Variants in CLIC6 observed in about 807,000 individuals in gnomAD.
CLIC6 encodes the protein CLIC family member 6.
A neutral mutation model predicts 49.2 loss-of-function variants in CLIC6; 39 were observed. The ratio of observed to expected loss-of-function variants is 0.79; its 90% CI spans 0.61 to 1.04. The LOEUF (loss-of-function observed/expected upper bound fraction) is 1.04. Among genes scored for constraint, CLIC6 ranks in the 50% least tolerant of loss-of-function variants. CLIC6 has a pLI of 0.00. For synonymous variants in CLIC6, 446 were observed against 433.4 expected, an observed-to-expected ratio of 1.03 and a Z score of -0.36; for missense variants, 988 against 993.1, an observed-to-expected ratio of 0.99 and a Z score of 0.07.
chr21:34,697,966 G>A (rs1990116540), intron 1 of CLIC6, among the ~76,000 whole-genome samples: 2 of 152,192 alleles, frequency 1.3e-5, no homozygotes, highest in Admixed American at 6.5e-5. Context: ...ATAGGCCTGT[G>A]AGGACAGGGT....
intron 1 of CLIC6, among the ~76,000 whole-genome samples, chr21:34,700,655 C>A (rs1472557700): frequency 1.4e-5 from 2 of 139,750 alleles, no homozygotes; most frequent in Non-Finnish European, 3.1e-5. Flanking sequence ...TGGCTGTGTT[C>A]TCCTCCCATT....
intron 1 of CLIC6, among the ~76,000 whole-genome samples, chr21:34,678,746 T>C (rs1712980234): frequency 6.6e-6 from 1 of 152,206 alleles, no homozygotes; most frequent in African/African-American, 2.4e-5. Context: ...ATTTATGTAG[T>C]CCATGGGATT....
Position 34,670,484 on chromosome 21 carries a change from G to A in CLIC6, c.1096G>A (p.Glu366Lys). 6.7e-7 allele frequency: 1 copy of A among 1,492,642 alleles called. No homozygotes were observed. Among genetic ancestry groups the A allele is most frequent in the Non-Finnish European group, 8.9e-7 (1 of 1,121,028 alleles). 92.5% of individuals were successfully genotyped at this position (1,492,642 alleles called of 1,614,324 possible). The change falls in exon 1 of 6, where the codon GAG becomes AAG. Residue 366 changes from glutamate to lysine, a missense_variant. This residue lies in a region of CLIC6 where 647 missense variants were observed against 596.9 expected (regional missense o/e 1.08). Coordinates refer to ENST00000349499, the MANE Select transcript of CLIC6 (RefSeq NM_053277.3). ...EDRVGDGPQQ[E>K]PGEDEERRER... ...CAGGGTAGGGGATGGGCCACAGCAG[G>A]AGCCGGGGGAGGACGAAGAGAGACG...
At chr21:34,704,590 TAA>T (rs1407213187) in intron 1 of CLIC6, among the ~76,000 whole-genome samples, 2 of 152,168 alleles carry the variant, frequency 1.3e-5, no homozygotes, top group Non-Finnish European at 2.9e-5. Flanking sequence ...TTCCGTGTCT[TAA>T]GCTGTGGCCG....
rs907806678 is a variant in CLIC6 at position 34,669,137 on chromosome 21, T to G, written c.-252T>G. On this transcript the variant is annotated 5_prime_UTR_variant, in exon 1 of 6. Coordinates refer to ENST00000349499, the MANE Select transcript of CLIC6 (RefSeq NM_053277.3). The stretch of plus-strand genomic sequence containing the variant: ...AGCAGACGCGCAATCGGGGAGAAGC[T>G]CCAGCAGTGGAGGAAGAGTCCAGGG... Among the ~76,000 whole-genome samples, 1 of 151,970 alleles carries G rather than the reference T, an allele frequency of 6.6e-6. No homozygotes were observed.
chr21:34,716,862 T>TCTCTCTCTCTCTCTCTCTCTCACACA lies in CLIC6; in HGVS notation c.*381_*382insTCTCTCTCTCTCTCTCTCTCACACAC. On this transcript the variant is annotated 3_prime_UTR_variant, in exon 6 of 6. Coordinates refer to ENST00000349499, the MANE Select transcript of CLIC6 (RefSeq NM_053277.3). ...CTCTCTCTCTCTCTCTCTCTCTCTA[T>TCTCTCTCTCTCTCTCTCTCTCACACA]CACACACACACACACACACACACAC... The TCTCTCTCTCTCTCTCTCTCTCACACA allele has an allele frequency of 3.0e-5, 4 of 131,634 alleles. No individual in the cohort carries two copies. The highest frequency in any genetic ancestry group is 1.3e-4 in the African/African-American group (4 of 31,214). The allele number at this position is 131,634 out of a possible 1,614,324, so 8.2% of individuals were successfully genotyped here.
chr21:34,707,333 T>C lies in CLIC6; in HGVS notation c.1428T>C (p.Phe476=). 1.2e-6 allele frequency: 2 copies of C among 1,614,094 alleles called. No homozygotes were observed. The highest frequency in any genetic ancestry group is 1.7e-6 in the Non-Finnish European group (2 of 1,179,998). ...ATTGCCCGTTTTCTCAGCGTCTCTTTATGATTCTCTGGCTGAAAGGCGTTA... is the reference window on the plus strand; with the variant it reads ...ATTGCCCGTTTTCTCAGCGTCTCTTCATGATTCTCTGGCTGAAAGGCGTTA... The part of the protein sequence containing the change: ...IGNCPFSQRL[F]MILWLKGVIF... The change falls in exon 2 of 6, where the codon TTT becomes TTC. Residue 476 remains phenylalanine (F), a synonymous_variant. Transcript: ENST00000349499.
chr21:34,684,400 A>G (rs142403203), intron 1 of CLIC6, among the ~76,000 whole-genome samples: 1,842 of 152,308 alleles, frequency 0.012, 14 homozygotes, highest in Non-Finnish European at 0.018. Context: ...ATCTCTGACC[A>G]TGAGGCCTGG....
chr21:34,687,545 ACTT>A (rs750762685), intron 1 of CLIC6, among the ~76,000 whole-genome samples: 15 of 152,326 alleles, frequency 9.8e-5, no homozygotes, highest in Middle Eastern at 3.4e-3. Flanking sequence ...TTGCTCAAGG[ACTT>A]CTTATGCCTT....
intron 1 of CLIC6, among the ~76,000 whole-genome samples, chr21:34,705,771 G>A (rs903842365): frequency 6.6e-6 from 1 of 152,030 alleles, no homozygotes; most frequent in African/African-American, 2.4e-5. Context: ...CTTATCAATG[G>A]ATCATCCAAT....
chr21:34,707,468 C>CACACACACACAT, intron 2 of CLIC6, 79 bp downstream of exon 2: 1 of 888,164 alleles, frequency 1.1e-6, no homozygotes, highest in East Asian at 2.5e-5. Flanking sequence ...CACACACACA[C>CACACACACACAT]ACCTGAGGCC....
At chr21:34,680,089 G>T (rs1825831832) in intron 1 of CLIC6, among the ~76,000 whole-genome samples, 1 of 152,250 alleles carries the variant, frequency 6.6e-6, no homozygotes, top group African/African-American at 2.4e-5. Flanking sequence ...GGTTCTCCAT[G>T]AGGGCTCTGC....
chr21:34,690,383 T>C (rs1479685540), intron 1 of CLIC6, among the ~76,000 whole-genome samples: 3 of 152,234 alleles, frequency 2.0e-5, no homozygotes, highest in Non-Finnish European at 4.4e-5. Flanking sequence ...AGTTATTCTC[T>C]GTAGAGAATA....
rs1205528058 is a variant in CLIC6 at position 34,670,328 on chromosome 21, G to A, written c.940G>A (p.Ala314Thr). Reference sequence around the variant, plus strand: ...GCCCCAGGCCGAGGCAATTGAGGTCGCAGCCGGGGAGAGTGCGGGGCGCAG... The same window carrying A: ...GCCCCAGGCCGAGGCAATTGAGGTCACAGCCGGGGAGAGTGCGGGGCGCAG... ...LSPQAEAIEVAAGESAGRSPG... is the reference protein window; with the variant it reads ...LSPQAEAIEVTAGESAGRSPG... The change falls in exon 1 of 6, where the codon GCA becomes ACA. Residue 314 changes from alanine to threonine, a missense_variant. Ala to Thr is a moderately conservative substitution (Grantham distance 58, BLOSUM62 0). This residue lies in a region of CLIC6 where 647 missense variants were observed against 596.9 expected (regional missense o/e 1.08). Transcript: ENST00000349499. 6.9e-7 allele frequency: 1 copy of A among 1,445,742 alleles called. No homozygotes were observed. Among genetic ancestry groups the A allele is most frequent in the East Asian group, 2.7e-5 (1 of 37,100 alleles). The allele number at this position is 1,445,742 out of a possible 1,614,324, so 89.6% of individuals were successfully genotyped here.
intron 1 of CLIC6, chr21:34,706,210 G>T: frequency 1.9e-6 from 1 of 513,900 alleles, no homozygotes; most frequent in South Asian, 3.3e-5. Context: ...GGAGGGCAAA[G>T]GGGGAGCAGG....
rs10541127 is a variant in CLIC6 at position 34,716,862 on chromosome 21, TCACACA to T, written c.*413_*418del. On this transcript the variant is annotated 3_prime_UTR_variant, in exon 6 of 6. Transcript: ENST00000349499. ...CTCTCTCTCTCTCTCTCTCTCTCTA[TCACACA>T]CACACACACACACACACACACACAC... 2,485 of 131,706 alleles carry T rather than the reference TCACACA, an allele frequency of 0.019. 35 individuals are homozygous for T. The highest frequency in any genetic ancestry group is 0.034 in the African/African-American group (1,050 of 31,286). 8.2% of individuals were successfully genotyped at this position (131,706 alleles called of 1,614,324 possible). A position where few individuals can be genotyped will look rare whatever the true frequency, so the allele number is the denominator to read the frequency against.
At chr21:34,715,676 A>G (rs1347421063) in intron 5 of CLIC6, among the ~76,000 whole-genome samples, 1 of 152,202 alleles carries the variant, frequency 6.6e-6, no homozygotes, top group Non-Finnish European at 1.5e-5. Flanking sequence ...CCCTCTTGCT[A>G]GAGGAAGTAT....
intron 1 of CLIC6, among the ~76,000 whole-genome samples, chr21:34,706,895 G>A (rs2056018175): frequency 6.6e-6 from 1 of 152,212 alleles, no homozygotes; most frequent in Non-Finnish European, 1.5e-5. Flanking sequence ...CCTTGGAGAG[G>A]ATCGAGAGAT....
At chr21:34,696,412 C>T (rs1470324867) in intron 1 of CLIC6, among the ~76,000 whole-genome samples, 2 of 152,176 alleles carry the variant, frequency 1.3e-5, no homozygotes, top group African/African-American at 2.4e-5. Context: ...AACAAACAAA[C>T]AAACAAATAA....
Sources: allele counts gnomAD v4.1 joint callset (sites outside exome capture counted in the v4.1 genomes callset), GRCh38; gene constraint gnomAD v4.1.1; regional missense constraint gnomAD v4.1.1; transcripts MANE v1.5; gene names NCBI Gene and HGNC (gene_info 2026-07-23, HGNC 2026-07-21).